SH3GLB1: variants seen among roughly 807,000 people sequenced by gnomAD.
The protein encoded by SH3GLB1 is endophilin-B1.
In SH3GLB1, 17 loss-of-function variants were observed where a neutral mutation model predicts 42.0. That is an observed-to-expected ratio of 0.40 (90% CI 0.28 to 0.61). The LOEUF is 0.61. SH3GLB1 is among the 20% of genes least tolerant of loss of function. The pLI, the probability that SH3GLB1 is intolerant of heterozygous loss-of-function variation, is 0.36. For synonymous variants in SH3GLB1, 132 were observed against 146.6 expected (o/e 0.90, Z 0.72); for missense variants, 355 against 426.3 (o/e 0.83, Z 1.47).
intron 4 of SH3GLB1, among the ~76,000 whole-genome samples, chr1:86,723,285 G>A (rs1654974916): frequency 6.6e-6 from 1 of 152,138 alleles, no homozygotes; most frequent in Non-Finnish European, 1.5e-5. Context: ...GTCAAGGTGG[G>A]TGGATCACTT....
chr1:86,743,243 G>A lies in SH3GLB1; in HGVS notation c.*8G>A, dbSNP rs371139653. ...TTAGAACTGCTCAATTAAGTAGGTG[G>A]ACTATGGAAAGGTTGCCCATCATGA... On this transcript the variant is annotated 3_prime_UTR_variant, in exon 9 of 9. Coordinates refer to ENST00000370558, the MANE Select transcript of SH3GLB1 (RefSeq NM_016009.5). 1 of 1,579,468 alleles carries A rather than the reference G, an allele frequency of 6.3e-7. No individual in the cohort carries two copies.
At chr1:86,739,171 T>C (rs1655934182) in intron 7 of SH3GLB1, among the ~76,000 whole-genome samples, 1 of 152,116 alleles carries the variant, frequency 6.6e-6, no homozygotes. Context: ...CAGGGTGAAT[T>C]AGATAATTAG....
At chr1:86,730,479 GAT>G in intron 5 of SH3GLB1, 1 of 660,450 alleles carries the variant, frequency 1.5e-6, no homozygotes, top group Non-Finnish European at 1.9e-6. Flanking sequence ...CAGAGAATGG[GAT>G]ATATAATATT....
chr1:86,722,481 A>G lies in SH3GLB1; in HGVS notation c.344-59A>G, dbSNP rs1027577027. ...GACCAAATTGCTGATTTATCTTTAC[A>G]TGATTTTATTTTCTGGTATTACCAG... On this transcript the variant is annotated intron_variant, in intron 3 of 8. Coordinates refer to ENST00000370558, the MANE Select transcript of SH3GLB1 (RefSeq NM_016009.5). The G allele has an allele frequency of 4.2e-5, 62 of 1,475,226 alleles. No individual in the cohort carries two copies. The African/African-American group carries it at 6.7e-4, about 16-fold the overall frequency. The allele number at this position is 1,475,226 out of a possible 1,614,324, so 91.4% of individuals were successfully genotyped here.
chr1:86,722,010 C>CTTTTTTTTTTT lies in SH3GLB1; in HGVS notation c.344-518_344-508dup, dbSNP rs377380040. 1.8e-5 allele frequency among the ~76,000 whole-genome samples: 2 copies of CTTTTTTTTTTT among 111,640 alleles called. 1 individual carries two copies. The highest frequency in any genetic ancestry group is 7.4e-5 in the African/African-American group (2 of 26,896). The allele number at this position is 111,640 out of a possible 152,430, so 73.2% of individuals were successfully genotyped here. On this transcript the variant is annotated intron_variant, in intron 3 of 8. Coordinates refer to ENST00000370558, the MANE Select transcript of SH3GLB1 (RefSeq NM_016009.5). Reference sequence around the variant, plus strand: ...ACATGTTCAGTACAGAGGCAACCATCTTTTTTTTTTTTTTTTTTTTTTAAT... The same window carrying CTTTTTTTTTTT: ...ACATGTTCAGTACAGAGGCAACCATCTTTTTTTTTTTTTTTTTTTTTTTTTTTTTTTTTAAT...
chr1:86,705,096 T>C, intron 1 of SH3GLB1, 125 bp downstream of exon 1: 1 of 599,180 alleles, frequency 1.7e-6, no homozygotes, highest in Non-Finnish European at 2.8e-6. Flanking sequence ...GCCAGAGGCC[T>C]GGGAGATGGG....
rs1170383539 is a variant in SH3GLB1, at chr1:86,748,065, A to G, written c.*4830A>G. ...AATACCATGACTGTCTTGCTGTGTC[A>G]AGTATATTTCTACATCTCTTAATGG... is the stretch of plus-strand genomic sequence containing the variant. On this transcript the variant is annotated 3_prime_UTR_variant, in exon 9 of 9. Transcript: ENST00000370558. The G allele has an allele frequency of 6.6e-6, 1 of 152,146 alleles. No homozygotes were observed. The highest frequency in any genetic ancestry group is 2.4e-5 in the African/African-American group (1 of 41,428). The allele number at this position is 152,146 out of a possible 1,614,324, so 9.4% of individuals were successfully genotyped here. A position where few individuals can be genotyped will look rare whatever the true frequency, so the allele number is the denominator to read the frequency against.
chr1:86,712,872 A>G (rs762067570), intron 1 of SH3GLB1, among the ~76,000 whole-genome samples: 10 of 152,088 alleles, frequency 6.6e-5, no homozygotes, highest in Non-Finnish European at 1.2e-4. Context: ...GCAAATACCC[A>G]TCTTTGCTCT....
At chr1:86,706,519 A>G (rs957119782) in intron 1 of SH3GLB1, among the ~76,000 whole-genome samples, 2 of 152,156 alleles carry the variant, frequency 1.3e-5, no homozygotes, top group African/African-American at 2.4e-5. Flanking sequence ...TAATGTTTTG[A>G]TTTAAATTCA....
At chr1:86,739,545 G>A (rs1192755668) in intron 7 of SH3GLB1, among the ~76,000 whole-genome samples, 1 of 152,192 alleles carries the variant, frequency 6.6e-6, no homozygotes, top group Non-Finnish European at 1.5e-5. Flanking sequence ...AAGAGACTCG[G>A]AGGAGAGGAA....
At chr1:86,716,306 G>A (rs746658395) in intron 2 of SH3GLB1, among the ~76,000 whole-genome samples, 6 of 151,860 alleles carry the variant, frequency 4.0e-5, no homozygotes, top group East Asian at 1.9e-4. Context: ...ACAGAGTCTC[G>A]CCCTGTCGCC....
chr1:86,728,893 C>G (rs1655353861), intron 5 of SH3GLB1, among the ~76,000 whole-genome samples: 3 of 152,102 alleles, frequency 2.0e-5, no homozygotes, highest in Admixed American at 2.0e-4. Context: ...TTCACCCAAA[C>G]TCAACATAGA....
chr1:86,715,955 T>C, intron 2 of SH3GLB1, 90 bp downstream of exon 2: 10 of 1,369,244 alleles, frequency 7.3e-6, no homozygotes, highest in East Asian at 2.5e-5. Flanking sequence ...TCTGAAAACA[T>C]AGGATTTTTT....
chr1:86,735,557 GA>G (rs1480459197), intron 7 of SH3GLB1, among the ~76,000 whole-genome samples: 6 of 151,966 alleles, frequency 3.9e-5, no homozygotes, highest in Admixed American at 2.0e-4. Flanking sequence ...TTACTATATT[GA>G]AAAAAAGTTT....
At chr1:86,730,786 G>GC (rs367610313) in intron 5 of SH3GLB1, among the ~76,000 whole-genome samples, 56 of 152,298 alleles carry the variant, frequency 3.7e-4, no homozygotes, top group African/African-American at 1.2e-3. Flanking sequence ...ACAGGCGTGA[G>GC]CCACCGTACC....
intron 1 of SH3GLB1, among the ~76,000 whole-genome samples, chr1:86,710,050 C>T (rs920015613): frequency 3.9e-5 from 6 of 152,160 alleles, no homozygotes; most frequent in African/African-American, 1.4e-4. Flanking sequence ...ATGTCACATT[C>T]GAAATCCATA....
In SH3GLB1 at chr1:86,730,945, A is replaced by G. The variant is rs144112702; in HGVS notation, c.571-3657A>G. 3.9e-4 allele frequency among the ~76,000 whole-genome samples: 59 copies of G among 152,330 alleles called. No individual in the cohort carries two copies. In the East Asian group the frequency reaches 0.011, roughly 29 times the overall value. ...GATAGCAAGTATTTGATTTTACTAC[A>G]GTTAAGGTCATTATTATGAATATTT... On this transcript the variant is annotated intron_variant, in intron 5 of 8. Transcript: ENST00000370558.
intron 3 of SH3GLB1, among the ~76,000 whole-genome samples, chr1:86,722,199 G>A (rs973313311): frequency 6.7e-6 from 1 of 150,344 alleles, no homozygotes; most frequent in Middle Eastern, 3.4e-3. Flanking sequence ...TTTGATCGTG[G>A]TTGGTTGAAT....
At chr1:86,720,952 A>C (rs543777149) in intron 3 of SH3GLB1, among the ~76,000 whole-genome samples, 1 of 152,326 alleles carries the variant, frequency 6.6e-6, no homozygotes, top group South Asian at 2.1e-4. Context: ...TTTTAGAAAA[A>C]TGTTATACAT....
Sources: allele counts gnomAD v4.1 joint callset (sites outside exome capture counted in the v4.1 genomes callset), GRCh38; gene constraint gnomAD v4.1.1; transcripts MANE v1.5; gene names NCBI Gene and HGNC (gene_info 2026-07-23, HGNC 2026-07-21).